Variants in FUNDC1 observed in about 807,000 individuals in gnomAD.
The protein encoded by FUNDC1 is FUN14 domain-containing protein 1.
Under a neutral mutation model 14.5 loss-of-function variants are expected in FUNDC1, and 10 were observed. That is an observed-to-expected ratio of 0.69 (90% CI 0.43 to 1.17). FUNDC1 has a LOEUF of 1.17. FUNDC1 is among the 50% of genes most tolerant of loss of function. The probability of loss-of-function intolerance (pLI) is 0.00; values close to 1 mark genes in which losing one functional copy is unlikely to be tolerated. For synonymous variants in FUNDC1, 33 were observed against 39.7 expected (o/e 0.83, Z 0.64); for missense variants, 115 against 113.8 (o/e 1.01, Z -0.05).
intron 3 of FUNDC1, among the ~76,000 whole-genome samples, chrX:44,531,829 G>A (rs2038927154): frequency 9.2e-6 from 1 of 108,785 alleles, no homozygotes; most frequent in Non-Finnish European, 1.9e-5. Context: ...TATGTCCTCA[G>A]AGAGCTTAAA....
In FUNDC1 at chrX:44,531,247, AAC is replaced by A. The variant is rs759868973; in HGVS notation, c.262-3884_262-3883del. On this transcript the variant is annotated intron_variant, in intron 3 of 4. Transcript: ENST00000378045. The stretch of plus-strand genomic sequence containing the variant: ...CAGAGAGTGAGACTGTTTCCAGAAA[AAC>A]ACACACACACACACACACACACACA... 9.8e-3 allele frequency among the ~76,000 whole-genome samples: 494 copies of A among 50,295 alleles called. 9 individuals carry two copies. The highest frequency in any genetic ancestry group is 0.01 in the Non-Finnish European group (320 of 31,785). The allele number at this position is 50,295 out of a possible 115,157, so 43.7% of individuals were successfully genotyped here.
At chrX:44,537,073 G>A (rs776695026) in intron 3 of FUNDC1, among the ~76,000 whole-genome samples, 48 of 111,808 alleles carry the variant, frequency 4.3e-4, no homozygotes, top group Non-Finnish European at 7.5e-4. Context: ...AGTTTTCAAG[G>A]TTAGTCGTAT....
intron 3 of FUNDC1, among the ~76,000 whole-genome samples, chrX:44,536,987 T>C (rs2038951754): frequency 8.9e-6 from 1 of 112,317 alleles, no homozygotes; most frequent in African/African-American, 3.2e-5. Context: ...AATATGAAAG[T>C]GGGCCTAAAG....
chrX:44,529,047 T>C (rs754916058), intron 3 of FUNDC1, among the ~76,000 whole-genome samples: 1 of 112,003 alleles, frequency 8.9e-6, no homozygotes, highest in Admixed American at 9.5e-5. Flanking sequence ...AATTCAACTG[T>C]CATTTTCAAG....
intron 3 of FUNDC1, among the ~76,000 whole-genome samples, chrX:44,528,942 G>A (rs2038912211): frequency 1.8e-5 from 2 of 111,370 alleles, no homozygotes; most frequent in Admixed American, 1.9e-4. Context: ...TGATCCACCC[G>A]CCTCGGCCTC....
intron 3 of FUNDC1, among the ~76,000 whole-genome samples, chrX:44,537,010 T>C (rs1157063287): frequency 1.8e-5 from 2 of 112,250 alleles, no homozygotes; most frequent in Non-Finnish European, 3.8e-5. Flanking sequence ...TATTAGGCAA[T>C]TAGCCTAAAA....
intron 3 of FUNDC1, among the ~76,000 whole-genome samples, chrX:44,527,606 A>G (rs895755610): frequency 2.7e-5 from 3 of 111,815 alleles, no homozygotes; most frequent in African/African-American, 6.5e-5. Flanking sequence ...GGGAAAACAG[A>G]TATTAAGCAT....
chrX:44,532,649 T>G (rs1441192079), intron 3 of FUNDC1, among the ~76,000 whole-genome samples: 1 of 107,855 alleles, frequency 9.3e-6, no homozygotes, highest in African/African-American at 3.4e-5. Flanking sequence ...GCCTCCCAGG[T>G]TCAAATGATC....
chrX:44,531,234 C>A (rs994013263), intron 3 of FUNDC1, among the ~76,000 whole-genome samples: 1 of 81,726 alleles, frequency 1.2e-5, no homozygotes, highest in Non-Finnish European at 2.3e-5. Context: ...GAGAGTGAGA[C>A]TGTTTCCAGA....
intron 3 of FUNDC1, among the ~76,000 whole-genome samples, chrX:44,531,567 C>T (rs1393698225): frequency 9.1e-6 from 1 of 110,152 alleles, no homozygotes; most frequent in Non-Finnish European, 1.9e-5. Flanking sequence ...GCCCAATCCA[C>T]ATGTCCATAT....
intron 3 of FUNDC1, among the ~76,000 whole-genome samples, chrX:44,532,103 T>G (rs929841214): frequency 1.5e-4 from 16 of 110,122 alleles, no homozygotes; most frequent in African/African-American, 5.3e-4. Flanking sequence ...TTCCAAAGAG[T>G]ACAGTATGAG....
intron 2 of FUNDC1, among the ~76,000 whole-genome samples, chrX:44,541,141 C>T (rs1245022728): frequency 8.9e-6 from 1 of 112,363 alleles, no homozygotes; most frequent in Non-Finnish European, 1.9e-5. Flanking sequence ...AAATAAGAAT[C>T]TAAGAAAAAA....
chrX:44,542,742 T>C lies in FUNDC1; in HGVS notation c.28+63A>G, dbSNP rs779660682. The C allele has an allele frequency of 1.1e-5, 12 of 1,078,330 alleles. No homozygotes were observed. The East Asian group carries it at 2.1e-4, about 18-fold the overall frequency. 88.9% of individuals were successfully genotyped at this position (1,078,330 alleles called of 1,213,427 possible). A position where few individuals can be genotyped will look rare whatever the true frequency, so the allele number is the denominator to read the frequency against. On this transcript the variant is annotated intron_variant, in intron 1 of 4. Transcript: ENST00000378045. ...AGGGCAGGGGAAGGAAGAGGTGCCA[T>C]AGGAGCAAGGTCGAGAGCTGTGAGC...
chrX:44,524,464 GT>G (rs1307173772), intron 4 of FUNDC1, among the ~76,000 whole-genome samples, 189 bp from the exon 5 acceptor site: 1 of 111,062 alleles, frequency 9.0e-6, no homozygotes, highest in African/African-American at 3.3e-5. Flanking sequence ...GAAAATTAAT[GT>G]TTAATGGGCA....
intron 2 of FUNDC1, among the ~76,000 whole-genome samples, chrX:44,540,515 T>C (rs1306263095): frequency 1.8e-5 from 2 of 110,304 alleles, no homozygotes; most frequent in Non-Finnish European, 1.9e-5. Flanking sequence ...GCAGCCACAA[T>C]GTCCCTTGGA....
intron 3 of FUNDC1, among the ~76,000 whole-genome samples, chrX:44,534,606 G>GAA (rs200977636): frequency 8.0e-5 from 8 of 99,611 alleles, no homozygotes; most frequent in South Asian, 4.3e-4. Context: ...TAACTGAAAG[G>GAA]AAAAAAAAAA....
chrX:44,538,910 G>A (rs917586507), intron 2 of FUNDC1, among the ~76,000 whole-genome samples: 1 of 111,314 alleles, frequency 9.0e-6, no homozygotes, highest in African/African-American at 3.3e-5. Flanking sequence ...AGTCAAGATG[G>A]TCCATACACC....
At chrX:44,537,905 C>A (rs2038954900) in intron 3 of FUNDC1, among the ~76,000 whole-genome samples, 2 of 112,784 alleles carry the variant, frequency 1.8e-5, no homozygotes, top group Non-Finnish European at 3.7e-5. Flanking sequence ...ATTTTTAGAT[C>A]TTATACTTAC....
At chrX:44,530,688 G>C (rs1448855973) in intron 3 of FUNDC1, among the ~76,000 whole-genome samples, 1 of 110,889 alleles carries the variant, frequency 9.0e-6, no homozygotes, top group African/African-American at 3.3e-5. Context: ...GGCCAAGGTG[G>C]GCAGATCACT....
Sources: gnomAD v4.1 joint callset for allele counts (sites outside exome capture counted in the v4.1 genomes callset) on GRCh38, gnomAD v4.1.1 for gene constraint, MANE v1.5 for transcripts, NCBI Gene and HGNC (gene_info 2026-07-23, HGNC 2026-07-21) for gene names.